GLIS3: variants seen among roughly 807,000 people sequenced by gnomAD.
GLIS3 encodes zinc finger protein GLIS3.
GLIS3 carries 53 observed loss-of-function variants against 78.6 expected under a neutral mutation model. The observed-to-expected ratio is 0.67, with a 90% confidence interval of 0.54 to 0.85. The LOEUF (loss-of-function observed/expected upper bound fraction) is 0.85. GLIS3 is among the 40% of genes least tolerant of loss of function. The pLI is 0.00. For synonymous variants in GLIS3, 684 were observed against 509.9 expected (o/e 1.34, Z -4.60); for missense variants, 1,703 against 1,231.1 (o/e 1.38, Z -5.74).
At chr9:4,357,869 G>A in the GLIS3 span, among the ~76,000 whole-genome samples, 1 of 152,218 alleles carries the variant, frequency 6.6e-6, no homozygotes, top group Non-Finnish European at 1.5e-5. Flanking sequence ...TGCCTCTGAA[G>A]TGGACAAAGA....
chr9:4,004,911 C>T (rs1440438311), intron 4 of GLIS3, among the ~76,000 whole-genome samples: 9 of 152,158 alleles, frequency 5.9e-5, no homozygotes, highest in Admixed American at 5.9e-4. Flanking sequence ...CAATGGCATA[C>T]ATTTAAAATG....
intron 6 of GLIS3, among the ~76,000 whole-genome samples, chr9:3,924,567 C>A (rs1357166393): frequency 6.6e-6 from 1 of 152,162 alleles, no homozygotes; most frequent in Non-Finnish European, 1.5e-5. Flanking sequence ...TGTGAAGTCA[C>A]CCTGAAAACA....
intron 8 of GLIS3, among the ~76,000 whole-genome samples, chr9:3,858,131 C>T (rs1271922116): frequency 6.6e-6 from 1 of 152,136 alleles, no homozygotes; most frequent in African/African-American, 2.4e-5. Flanking sequence ...CTTTGATCGG[C>T]TCCCCAATTC....
At chr9:4,306,261 A>G (rs375596139) in intron 4 of GLIS3, among the ~76,000 whole-genome samples, 2 of 151,808 alleles carry the variant, frequency 1.3e-5, no homozygotes, top group African/African-American at 4.8e-5. Context: ...TTGTAGAGGC[A>G]GGGGGGTCTC....
intron 2 of GLIS3, among the ~76,000 whole-genome samples, chr9:4,250,167 T>C (rs1279142334): frequency 1.3e-5 from 2 of 152,196 alleles, no homozygotes; most frequent in Non-Finnish European, 2.9e-5. Context: ...TCTTTTTCTA[T>C]TGTTTGGAAT....
chr9:4,153,654 T>A (rs1384793712), intron 2 of GLIS3, among the ~76,000 whole-genome samples: 1 of 152,176 alleles, frequency 6.6e-6, no homozygotes, highest in East Asian at 1.9e-4. Context: ...ACCTCAAATA[T>A]ATAGTAAAGT....
At chr9:3,862,598 A>G (rs1217629412) in intron 8 of GLIS3, among the ~76,000 whole-genome samples, 1 of 152,106 alleles carries the variant, frequency 6.6e-6, no homozygotes, top group Admixed American at 6.5e-5. Context: ...ACTTTTCTTC[A>G]TTTGTACTGT....
At chr9:4,164,440 T>C (rs1408261514) in intron 2 of GLIS3, among the ~76,000 whole-genome samples, 2 of 152,220 alleles carry the variant, frequency 1.3e-5, no homozygotes, top group African/African-American at 4.8e-5. Flanking sequence ...CAAAAGCTCA[T>C]TTCTTCATGT....
At chr9:4,404,228 ATT>A in the GLIS3 span, among the ~76,000 whole-genome samples, 1 of 152,224 alleles carries the variant, frequency 6.6e-6, no homozygotes, top group Non-Finnish European at 1.5e-5. Flanking sequence ...TAAAGCAAAT[ATT>A]ATTAGAGCTA....
intron 2 of GLIS3, among the ~76,000 whole-genome samples, chr9:4,159,017 A>G (rs2131073255): frequency 9.5e-6 from 1 of 105,320 alleles, no homozygotes; most frequent in African/African-American, 3.8e-5. Flanking sequence ...TTGGTATGCT[A>G]GAGAAAGGAG....
chr9:4,372,070 G>A, the GLIS3 span, among the ~76,000 whole-genome samples: 1 of 152,116 alleles, frequency 6.6e-6, no homozygotes, highest in Admixed American at 6.5e-5. Context: ...TTATTTTGAA[G>A]ATATGACTGA....
At chr9:4,215,122 C>T (rs541077309) in intron 2 of GLIS3, among the ~76,000 whole-genome samples, 28 of 152,302 alleles carry the variant, frequency 1.8e-4, no homozygotes, top group African/African-American at 6.7e-4. Context: ...AATGCAGTCT[C>T]ATGAAGGTAA....
At chr9:4,251,566 TTGCCAATC>T (rs1824391264) in intron 2 of GLIS3, among the ~76,000 whole-genome samples, 1 of 152,194 alleles carries the variant, frequency 6.6e-6, no homozygotes, top group Non-Finnish European at 1.5e-5. Flanking sequence ...TTTACCCAAT[TTGCCAATC>T]TGCGTCTAAT....
At chr9:4,217,018 T>A (rs1042245109) in intron 2 of GLIS3, among the ~76,000 whole-genome samples, 3 of 152,234 alleles carry the variant, frequency 2.0e-5, no homozygotes, top group African/African-American at 7.2e-5. Flanking sequence ...CTACCAGGAC[T>A]TGTGGTTCTG....
intron 4 of GLIS3, among the ~76,000 whole-genome samples, chr9:3,969,945 G>C (rs1171340432): frequency 6.6e-6 from 1 of 152,182 alleles, no homozygotes; most frequent in Non-Finnish European, 1.5e-5. Context: ...GGCAAATCTT[G>C]CAACTTGGTG....
intron 2 of GLIS3, among the ~76,000 whole-genome samples, chr9:4,337,445 G>A (rs1047567931): frequency 2.6e-5 from 4 of 152,098 alleles, no homozygotes; most frequent in Admixed American, 1.3e-4. Flanking sequence ...AAAATCGTAC[G>A]GACAGTATTT....
chr9:4,368,923 A>C, the GLIS3 span, among the ~76,000 whole-genome samples: 1,231 of 152,338 alleles, frequency 8.1e-3, 20 homozygotes, highest in African/African-American at 0.029. Flanking sequence ...CTTCAATGAG[A>C]ATAATCTAAA....
rs746236011 is a variant in GLIS3 at position 4,286,030 on chromosome 9, A to C, written c.388+8T>G. 46 of 1,614,022 alleles carry C rather than the reference A, an allele frequency of 2.9e-5. No individual in the cohort carries two copies. Among genetic ancestry groups the C allele is most frequent in the Non-Finnish European group, 3.7e-5 (44 of 1,180,032 alleles). On this transcript the variant is annotated splice_region_variant and intron_variant, in intron 2 of 10. Coordinates refer to ENST00000381971, the MANE Select transcript of GLIS3 (RefSeq NM_001042413.2). ...CATTTTTAAAAGGTTCCAGAAAGACAATCCTACCTTTCCCAGGATTTGGAG... is the reference window on the plus strand; with the variant it reads ...CATTTTTAAAAGGTTCCAGAAAGACCATCCTACCTTTCCCAGGATTTGGAG...
chr9:4,182,661 C>G (rs1030929529), intron 2 of GLIS3, among the ~76,000 whole-genome samples: 7 of 152,264 alleles, frequency 4.6e-5, no homozygotes, highest in African/African-American at 1.4e-4. Context: ...GGCAAGATCT[C>G]CATGAGTCAT....
Sources: allele counts gnomAD v4.1 joint callset (sites outside exome capture counted in the v4.1 genomes callset), GRCh38; gene constraint gnomAD v4.1.1; transcripts MANE v1.5; gene names NCBI Gene and HGNC (gene_info 2026-07-23, HGNC 2026-07-21).